HS2ST1: variants seen among roughly 807,000 people sequenced by gnomAD.
HS2ST1 encodes the protein heparan sulfate 2-O-sulfotransferase 1.
A neutral mutation model predicts 42.9 loss-of-function variants in HS2ST1; 18 were observed. The ratio of observed to expected loss-of-function variants is 0.42; its 90% CI spans 0.29 to 0.62. HS2ST1 has a LOEUF of 0.62. HS2ST1 is among the 20% of genes least tolerant of loss of function. HS2ST1 has a pLI of 0.21. For missense variants in HS2ST1, 334 were observed against 433.8 expected (o/e 0.77, Z 2.04); for synonymous variants, 146 against 152.9 (o/e 0.95, Z 0.33).
intron 1 of HS2ST1, among the ~76,000 whole-genome samples, chr1:86,999,295 C>G (rs1330698705): frequency 3.3e-5 from 5 of 152,094 alleles, no homozygotes; most frequent in Non-Finnish European, 7.4e-5. Context: ...TCTCCTGCCT[C>G]AGCCTCCCAA....
intron 1 of HS2ST1, among the ~76,000 whole-genome samples, chr1:86,918,569 C>T (rs984730828): frequency 1.1e-4 from 16 of 151,738 alleles, no homozygotes; most frequent in African/African-American, 3.9e-4. Flanking sequence ...CTTATGTGTC[C>T]GTTTAACTCA....
chr1:87,099,296 C>T (rs1234326486), intron 5 of HS2ST1, among the ~76,000 whole-genome samples: 1 of 152,146 alleles, frequency 6.6e-6, no homozygotes, highest in Non-Finnish European at 1.5e-5. Flanking sequence ...GCAGGATGTA[C>T]AAGCATGGCA....
At chr1:87,100,926 AAG>A (rs1491476388) in intron 5 of HS2ST1, among the ~76,000 whole-genome samples, 3 of 152,076 alleles carry the variant, frequency 2.0e-5, no homozygotes, top group South Asian at 2.1e-4. Context: ...AAACAACAAA[AAG>A]AGGGGGCTTT....
chr1:86,958,766 G>A (rs773735925), intron 1 of HS2ST1, among the ~76,000 whole-genome samples: 6 of 151,994 alleles, frequency 3.9e-5, no homozygotes, highest in Non-Finnish European at 8.8e-5. Context: ...ACCTAATACC[G>A]AAGACCATAC....
At chr1:86,981,952 C>T (rs1428729083) in intron 1 of HS2ST1, among the ~76,000 whole-genome samples, 1 of 152,240 alleles carries the variant, frequency 6.6e-6, no homozygotes, top group African/African-American at 2.4e-5. Flanking sequence ...TCTGCCCCTG[C>T]AGCACACTTC....
intron 3 of HS2ST1, among the ~76,000 whole-genome samples, chr1:87,085,010 G>A (rs1651786770): frequency 6.6e-6 from 1 of 152,072 alleles, no homozygotes; most frequent in African/African-American, 2.4e-5. Context: ...CAGTATTCAA[G>A]TACTATGTGG....
intron 1 of HS2ST1, among the ~76,000 whole-genome samples, chr1:87,017,304 T>G (rs547561923): frequency 1.3e-5 from 2 of 152,238 alleles, no homozygotes; most frequent in Admixed American, 1.3e-4. Flanking sequence ...GTCCAGCTAA[T>G]TTTTGTATTT....
chr1:86,943,019 G>T (rs953430169), intron 1 of HS2ST1, among the ~76,000 whole-genome samples: 1 of 152,092 alleles, frequency 6.6e-6, no homozygotes, highest in Admixed American at 6.5e-5. Context: ...TGATATGTTA[G>T]TAGTTTCTTT....
At chr1:86,947,184 C>A (rs908646757) in intron 1 of HS2ST1, among the ~76,000 whole-genome samples, 1 of 152,154 alleles carries the variant, frequency 6.6e-6, no homozygotes, top group Non-Finnish European at 1.5e-5. Context: ...TCTTTATCTT[C>A]CAAGGTTTTT....
intron 1 of HS2ST1, among the ~76,000 whole-genome samples, chr1:86,941,875 G>A (rs1396183600): frequency 2.0e-5 from 3 of 152,124 alleles, no homozygotes; most frequent in Non-Finnish European, 4.4e-5. Flanking sequence ...GCCAAGTAGA[G>A]TTTATCTTTT....
chr1:86,970,825 A>T (rs970453329), intron 1 of HS2ST1, among the ~76,000 whole-genome samples: 2 of 152,226 alleles, frequency 1.3e-5, no homozygotes, highest in Non-Finnish European at 2.9e-5. Flanking sequence ...GGTGGTACAG[A>T]AATGCAAATC....
chr1:86,943,705 A>AGACC, intron 1 of HS2ST1, among the ~76,000 whole-genome samples: 1 of 150,744 alleles, frequency 6.6e-6, no homozygotes, highest in Middle Eastern at 3.4e-3. Flanking sequence ...AGGCAGAACT[A>AGACC]GACCCTATCT....
intron 1 of HS2ST1, among the ~76,000 whole-genome samples, chr1:86,964,346 A>G (rs540454707): frequency 1.3e-5 from 2 of 152,362 alleles, no homozygotes; most frequent in South Asian, 2.1e-4. Context: ...AGCCTGGGCA[A>G]CATTGAGCAC....
chr1:86,947,718 T>G (rs890387369), intron 1 of HS2ST1, among the ~76,000 whole-genome samples: 3 of 152,132 alleles, frequency 2.0e-5, no homozygotes, highest in Non-Finnish European at 2.9e-5. Context: ...GTGCATTCAT[T>G]TATTCAGAGT....
intron 5 of HS2ST1, chr1:87,098,339 C>T (rs2100654574): frequency 1.0e-6 from 1 of 986,194 alleles, no homozygotes. Flanking sequence ...TACTGTTAAA[C>T]TGATTTTGAC....
chr1:86,997,997 G>A (rs1219602207), intron 1 of HS2ST1, among the ~76,000 whole-genome samples: 1 of 152,162 alleles, frequency 6.6e-6, no homozygotes, highest in Non-Finnish European at 1.5e-5. Context: ...TTACACCTTT[G>A]ATCATAATTG....
At chr1:86,957,934 AG>A (rs1557493365) in intron 1 of HS2ST1, among the ~76,000 whole-genome samples, 3 of 151,938 alleles carry the variant, frequency 2.0e-5, no homozygotes, top group Non-Finnish European at 2.9e-5. Flanking sequence ...CTGGGATTAC[AG>A]GCATGCATCA....
intron 1 of HS2ST1, among the ~76,000 whole-genome samples, chr1:87,003,583 C>T (rs752001967): frequency 1.3e-5 from 2 of 152,130 alleles, no homozygotes; most frequent in Non-Finnish European, 2.9e-5. Context: ...TTGTTTGATG[C>T]TCTTTATAGA....
At chr1:86,924,742 G>A (rs543411899) in intron 1 of HS2ST1, among the ~76,000 whole-genome samples, 8 of 152,232 alleles carry the variant, frequency 5.3e-5, no homozygotes, top group African/African-American at 1.2e-4. Context: ...CACATAGCAC[G>A]GGGACCCTGG....
Sources: allele counts gnomAD v4.1 joint callset (sites outside exome capture counted in the v4.1 genomes callset), GRCh38; gene constraint gnomAD v4.1.1; transcripts MANE v1.5; gene names NCBI Gene and HGNC (gene_info 2026-07-23, HGNC 2026-07-21).